Variants in FRY observed in about 807,000 individuals in gnomAD.
FRY encodes FRY microtubule binding protein, also known as protein furry homolog.
In FRY, 128 loss-of-function variants were observed where a neutral mutation model predicts 348.4. That is an observed-to-expected ratio of 0.37 (90% CI 0.32 to 0.43). FRY has a LOEUF of 0.43. Ranked by LOEUF, FRY falls within the 20% of genes least tolerant of loss-of-function variation. The pLI is 1.00. For missense variants in FRY, 2,736 were observed against 3,695.2 expected (o/e 0.74, Z 6.73); for synonymous variants, 1,370 against 1,374.7 (o/e 1.00, Z 0.08).
At chr13:32,151,806 C>T (rs1880811153) in intron 14 of FRY, among the ~76,000 whole-genome samples, 1 of 151,686 alleles carries the variant, frequency 6.6e-6, no homozygotes, top group Non-Finnish European at 1.5e-5. Flanking sequence ...GTAGTGCTAG[C>T]GGCAAGAAGA....
At chr13:32,081,330 T>C (rs1408238248) in intron 2 of FRY, among the ~76,000 whole-genome samples, 1 of 152,202 alleles carries the variant, frequency 6.6e-6, no homozygotes, top group Non-Finnish European at 1.5e-5. Context: ...TTAGTATTAT[T>C]GTTTTTTATA....
At chr13:32,056,123 G>A (rs928657716) in intron 1 of FRY, among the ~76,000 whole-genome samples, 12 of 151,616 alleles carry the variant, frequency 7.9e-5, no homozygotes, top group East Asian at 1.9e-4. Flanking sequence ...CCCGGGAGGC[G>A]GAGGTTGCAG....
chr13:32,241,666 G>A (rs1886510351), intron 46 of FRY, among the ~76,000 whole-genome samples: 1 of 152,118 alleles, frequency 6.6e-6, no homozygotes, highest in Non-Finnish European at 1.5e-5. Context: ...AAGTACTTCT[G>A]TAACAACCAA....
chr13:32,165,267 T>G (rs1881668950), intron 17 of FRY, among the ~76,000 whole-genome samples: 1 of 152,230 alleles, frequency 6.6e-6, no homozygotes, highest in Admixed American at 6.5e-5. Context: ...CTAGGGTATC[T>G]AAAAATCATT....
chr13:32,287,164 CA>C (rs373301111), intron 58 of FRY, among the ~76,000 whole-genome samples: 30,472 of 110,782 alleles, frequency 0.28, 3,553 homozygotes, highest in Middle Eastern at 0.43. Context: ...GACTCCATCT[CA>C]AAAAAAAAAA....
intron 47 of FRY, among the ~76,000 whole-genome samples, chr13:32,245,446 A>C (rs1384951429): frequency 6.6e-6 from 1 of 152,012 alleles, no homozygotes; most frequent in African/African-American, 2.4e-5. Context: ...CTCTACAAAA[A>C]TAAAAAAAAT....
At chr13:32,081,043 G>A (rs1593590545) in intron 2 of FRY, among the ~76,000 whole-genome samples, 2 of 152,282 alleles carry the variant, frequency 1.3e-5, no homozygotes, top group South Asian at 4.1e-4. Context: ...ACTCAGGTTG[G>A]AATTTGTTTG....
At chr13:32,155,388 C>T in intron 14 of FRY, 103 bp from the exon 15 acceptor site, 1 of 831,002 alleles carries the variant, frequency 1.2e-6, no homozygotes, top group East Asian at 2.4e-5. Flanking sequence ...TTCTCATACT[C>T]ATCTACATGC....
chr13:32,105,275 GT>G (rs1479607509), intron 3 of FRY, among the ~76,000 whole-genome samples: 1 of 152,194 alleles, frequency 6.6e-6, no homozygotes, highest in Non-Finnish European at 1.5e-5. Flanking sequence ...CTCTCTTTTG[GT>G]CCTTTCTCCA....
chr13:32,148,553 G>A (rs1880598818), intron 13 of FRY, among the ~76,000 whole-genome samples: 1 of 152,292 alleles, frequency 6.6e-6, no homozygotes, highest in Non-Finnish European at 1.5e-5. Flanking sequence ...CACTTTGTGA[G>A]TAAATGGGTT....
At chr13:32,175,703 A>C (rs933994201) in intron 20 of FRY, 71 bp downstream of exon 20, 43 of 889,494 alleles carry the variant, frequency 4.8e-5, no homozygotes, top group Non-Finnish European at 7.4e-5. Context: ...TCAGTGAAAA[A>C]TTATGTGGAA....
At chr13:32,068,514 C>T (rs1874399932) in intron 1 of FRY, among the ~76,000 whole-genome samples, 1 of 152,170 alleles carries the variant, frequency 6.6e-6, no homozygotes, top group Non-Finnish European at 1.5e-5. Context: ...ATCAGGGGAA[C>T]GTCCATGTAA....
chr13:32,139,032 A>G (rs1244541736), intron 11 of FRY, among the ~76,000 whole-genome samples: 1 of 152,214 alleles, frequency 6.6e-6, no homozygotes, highest in East Asian at 1.9e-4. Context: ...TGAATTCACT[A>G]CGTCAAGGCT....
At position 32,146,492 on chromosome 13, in the gene FRY, G is replaced by T. The variant is rs204570; in HGVS notation, c.1180-790G>T. Among the ~76,000 whole-genome samples the T allele has an allele frequency of 3.5e-4, 53 of 151,996 alleles. 1 individual carries two copies. The highest frequency in any genetic ancestry group is 6.2e-4 in the Non-Finnish European group (42 of 68,000). On this transcript the variant is annotated intron_variant, in intron 11 of 60. Transcript: ENST00000542859. ...CTGGGATTACAGGCACCCGCCACCA[G>T]GCCCAGCTAATTTTTGTATTTTTAG... is the stretch of plus-strand genomic sequence containing the variant.
rs397723164 is a variant in FRY at position 32,274,703 on chromosome 13, C to CAAA, written c.8137-115_8137-113dup. 5.2e-3 allele frequency: 1,580 copies of CAAA among 306,176 alleles called. 17 individuals are homozygous for CAAA. The highest frequency in any genetic ancestry group is 9.7e-3 in the African/African-American group (212 of 21,864). 19.0% of individuals were successfully genotyped at this position (306,176 alleles called of 1,614,324 possible). ...TGGGCGACAGAGCGAGATTCTGTCT[C>CAAA]AAAAAAAAAAAAAAAAAAAAAAAAA... On this transcript the variant is annotated intron_variant, in intron 55 of 60. Transcript: ENST00000542859.
chr13:32,057,859 CTG>C (rs1257602582), intron 1 of FRY, among the ~76,000 whole-genome samples: 2 of 152,132 alleles, frequency 1.3e-5, no homozygotes, highest in African/African-American at 2.4e-5. Context: ...ACTCGGGAGA[CTG>C]AGGCAGGAGA....
intron 29 of FRY, among the ~76,000 whole-genome samples, chr13:32,199,574 G>A (rs527604460): frequency 6.6e-6 from 1 of 152,268 alleles, no homozygotes; most frequent in East Asian, 1.9e-4. Context: ...TAACAATTGG[G>A]AGAATGAAAG....
intron 28 of FRY, among the ~76,000 whole-genome samples, chr13:32,193,104 G>T (rs1279231745): frequency 6.6e-6 from 1 of 150,872 alleles, no homozygotes; most frequent in African/African-American, 2.4e-5. Flanking sequence ...GCTTCTCCTG[G>T]ACAAATGTGC....
chr13:32,130,452 T>TTGTGTGGGTGTGTGTGTG (rs1879285050), intron 7 of FRY, among the ~76,000 whole-genome samples: 1 of 141,888 alleles, frequency 7.0e-6, no homozygotes, highest in African/African-American at 2.7e-5. Context: ...TGGAAAGTGT[T>TTGTGTGGGTGTGTGTGTG]TGTGTGTGTG....
Sources: gnomAD v4.1 joint callset for allele counts (sites outside exome capture counted in the v4.1 genomes callset) on GRCh38, gnomAD v4.1.1 for gene constraint, MANE v1.5 for transcripts, NCBI Gene and HGNC (gene_info 2026-07-23, HGNC 2026-07-21) for gene names.